Variants in NDRG4 observed in about 807,000 individuals in gnomAD.
NDRG4 encodes protein NDRG4.
In NDRG4, 38 loss-of-function variants were observed where a neutral mutation model predicts 55.8. That is an observed-to-expected ratio of 0.68 (90% CI 0.53 to 0.89). The LOEUF (loss-of-function observed/expected upper bound fraction) is 0.89, where lower values mean the gene tolerates loss of function less well. NDRG4 is among the 40% of genes least tolerant of loss of function. The pLI is 0.00. For missense variants in NDRG4, 455 were observed against 468.6 expected, an observed-to-expected ratio of 0.97 and a Z score of 0.27; for synonymous variants, 190 against 182.7, an observed-to-expected ratio of 1.04 and a Z score of -0.32.
chr16:58,505,414 A>C (rs2037788931), intron 5 of NDRG4, among the ~76,000 whole-genome samples: 1 of 144,266 alleles, frequency 6.9e-6, no homozygotes, highest in Non-Finnish European at 1.5e-5. Flanking sequence ...ATCTCTAAAA[A>C]CAAGCAAAAA....
At chr16:58,482,931 G>A (rs1239602909) in intron 1 of NDRG4, among the ~76,000 whole-genome samples, 5 of 151,894 alleles carry the variant, frequency 3.3e-5, no homozygotes, top group South Asian at 2.1e-4. Context: ...ACAGGCACCC[G>A]CCATCACGTG....
Position 58,474,066 on chromosome 16 carries a change from T to G in NDRG4, c.-24+10269T>G, listed in dbSNP as rs553584890. Among the ~76,000 whole-genome samples, 3 of 131,816 alleles carry G rather than the reference T, an allele frequency of 2.3e-5. No homozygotes were observed. The South Asian group carries it at 8.3e-4, about 37-fold the overall frequency. 86.5% of individuals were successfully genotyped at this position (131,816 alleles called of 152,430 possible). A position where few individuals can be genotyped will look rare whatever the true frequency, so the allele number is the denominator to read the frequency against. On this transcript the variant is annotated intron_variant, in intron 1 of 15. Coordinates refer to the NDRG4 transcript ENST00000258187. ...TTTTTTTTTTTTTTGAGAGAGAATC[T>G]CTCTCTGTTACCCAGGCTGGAGTCC...
chr16:58,497,610 C>G (rs578224929), upstream of NDRG4, among the ~76,000 whole-genome samples: 2 of 152,322 alleles, frequency 1.3e-5, no homozygotes, highest in Admixed American at 1.3e-4. Flanking sequence ...TGCTGTTTCT[C>G]CCATTTACAT....
intron 14 of NDRG4, 136 bp from the exon 15 acceptor site, chr16:58,511,286 G>C (rs2038770415): frequency 9.9e-7 from 1 of 1,006,620 alleles, no homozygotes; most frequent in African/African-American, 1.6e-5. Flanking sequence ...GCTGTCGCCA[G>C]CCTCCTGACT....
intron 1 of NDRG4, among the ~76,000 whole-genome samples, chr16:58,470,906 C>CAAAAA (rs142300769): frequency 0.017 from 1,340 of 79,690 alleles, 80 homozygotes; most frequent in African/African-American, 0.066. Context: ...GACACCATCT[C>CAAAAA]CAAAAAAAAA....
intron 9 of NDRG4, 35 bp from the exon 10 acceptor site, chr16:58,507,913 C>G: frequency 1.9e-6 from 3 of 1,613,614 alleles, no homozygotes; most frequent in Non-Finnish European, 2.5e-6. Flanking sequence ...GCCCCCATGA[C>G]CCAGCCAGAC....
At chr16:58,492,039 C>A (rs917728110) in intron 2 of NDRG4, among the ~76,000 whole-genome samples, 5 of 152,216 alleles carry the variant, frequency 3.3e-5, no homozygotes, top group Non-Finnish European at 7.3e-5. Context: ...ACCTCAGCCT[C>A]CCAAGTAGCT....
intron 2 of NDRG4, among the ~76,000 whole-genome samples, chr16:58,489,963 G>A (rs895458367): frequency 6.6e-6 from 1 of 152,020 alleles, no homozygotes; most frequent in Non-Finnish European, 1.5e-5. Context: ...TCCTGCCTCA[G>A]CCTCCCGAGT....
At chr16:58,467,832 A>G (rs2031993629) in intron 1 of NDRG4, among the ~76,000 whole-genome samples, 1 of 152,186 alleles carries the variant, frequency 6.6e-6, no homozygotes, top group Non-Finnish European at 1.5e-5. Context: ...GCGGGCGGAT[A>G]GTTGATGACA....
intron 1 of NDRG4, among the ~76,000 whole-genome samples, chr16:58,482,860 G>A (rs1275861855): frequency 6.6e-6 from 1 of 151,220 alleles, no homozygotes. Flanking sequence ...GCAGCTCACT[G>A]CAACCTCCAC....
intron 1 of NDRG4, among the ~76,000 whole-genome samples, chr16:58,475,457 C>G (rs942581883): frequency 3.3e-5 from 5 of 152,170 alleles, no homozygotes. Flanking sequence ...TCTGGGAAAG[C>G]CCCACCCTTT....
chr16:58,475,888 C>T (rs1388286361), intron 1 of NDRG4, among the ~76,000 whole-genome samples: 3 of 152,158 alleles, frequency 2.0e-5, no homozygotes, highest in Non-Finnish European at 2.9e-5. Flanking sequence ...CTTCTGCCTC[C>T]CAGGTTCAAG....
chr16:58,467,755 C>A (rs1015786185), intron 1 of NDRG4, among the ~76,000 whole-genome samples: 5 of 152,168 alleles, frequency 3.3e-5, no homozygotes, highest in African/African-American at 1.2e-4. Flanking sequence ...CGTCGTGGTG[C>A]CTACCTGGCT....
intron 5 of NDRG4, among the ~76,000 whole-genome samples, chr16:58,505,708 ATTTTCTTTT>A (rs1040814246): frequency 2.0e-4 from 14 of 70,630 alleles, no homozygotes; most frequent in African/African-American, 6.8e-4. Flanking sequence ...TGAGGGCTTC[ATTTTCTTTT>A]TTTTTTTTTT....
chr16:58,501,164 T>G, intron 1 of NDRG4: 1 of 915,720 alleles, frequency 1.1e-6, no homozygotes, highest in Non-Finnish European at 1.4e-6. Context: ...CCCTGCCGGT[T>G]CCGCAGACGA....
At chr16:58,493,655 GCTTCTCCT>G (rs2036046349) in intron 2 of NDRG4, among the ~76,000 whole-genome samples, 1 of 152,230 alleles carries the variant, frequency 6.6e-6, no homozygotes, top group Non-Finnish European at 1.5e-5. Context: ...GCAACACTGA[GCTTCTCCT>G]CTAATCCTCA....
Position 58,506,442 on chromosome 16 carries a change from G to C in NDRG4, c.428G>C (p.Gly143Ala). The C allele has an allele frequency of 1.9e-6, 3 of 1,604,628 alleles. No individual in the cohort carries two copies. The highest frequency in any genetic ancestry group is 2.6e-6 in the Non-Finnish European group (3 of 1,176,226). The change falls in exon 6 of 15, where the codon GGC becomes GCC. Residue 143 changes from glycine (G) to alanine (A), a missense_variant. Gly to Ala is a moderately conservative substitution (Grantham distance 60, BLOSUM62 0). Coordinates refer to ENST00000570248, the MANE Select transcript of NDRG4 (RefSeq NM_001242835.2). ...GLVLVNIDPN[G>A]KGWIDWAATK... The stretch of plus-strand genomic sequence containing the variant: ...GTGCTGGTGAACATCGACCCCAATG[G>C]CAAAGGCTGGATAGACTGGGCTGCC...
At chr16:58,471,519 A>C (rs141887918) in intron 1 of NDRG4, among the ~76,000 whole-genome samples, 2 of 152,078 alleles carry the variant, frequency 1.3e-5, no homozygotes, top group Admixed American at 1.3e-4. Context: ...TAAACTGAAG[A>C]GCATCACACA....
In NDRG4 at chr16:58,464,387, G is replaced by C. The variant is rs2031153675; in HGVS notation, c.-24+590G>C. 3 of 1,369,068 alleles carry C rather than the reference G, an allele frequency of 2.2e-6. No homozygotes were observed. Among genetic ancestry groups the C allele is most frequent in the South Asian group, 3.5e-5 (2 of 57,050 alleles). 84.8% of individuals were successfully genotyped at this position (1,369,068 alleles called of 1,614,324 possible). ...TCTCCCCGGCTCGGCCGAGCGCGCTGCCCCGACGCCGCCACCCAGAGCCGG... is the reference window on the plus strand; with the variant it reads ...TCTCCCCGGCTCGGCCGAGCGCGCTCCCCCGACGCCGCCACCCAGAGCCGG... On this transcript the variant is annotated intron_variant, in intron 1 of 15. Coordinates refer to the NDRG4 transcript ENST00000258187. This position sits in a 1 kb window ranked among gnomAD's most constrained non-coding sequence, Gnocchi z 4.8.
Sources: gnomAD v4.1 joint callset for allele counts (sites outside exome capture counted in the v4.1 genomes callset) on GRCh38, gnomAD v4.1.1 for gene constraint, Gnocchi (gnomAD v3.1) non-coding constraint, MANE v1.5 for transcripts, NCBI Gene and HGNC (gene_info 2026-07-23, HGNC 2026-07-21) for gene names.